COL1A2: variants seen among roughly 807,000 people sequenced by gnomAD.
COL1A2 encodes the protein collagen type I alpha 2 chain.
COL1A2 carries 49 observed loss-of-function variants against 174.3 expected under a neutral mutation model. That is an observed-to-expected ratio of 0.28 (90% CI 0.22 to 0.36). COL1A2 has a LOEUF of 0.36. Among genes scored for constraint, COL1A2 ranks in the 10% least tolerant of loss-of-function variants. The probability of loss-of-function intolerance (pLI) is 1.00; values close to 1 mark genes in which losing one functional copy is unlikely to be tolerated. For synonymous variants in COL1A2, 655 were observed against 606.6 expected (o/e 1.08, Z -1.17); for missense variants, 1,438 against 1,822.7 (o/e 0.79, Z 3.84).
chr7:94,415,910 AT>A (rs1175675474), intron 30 of COL1A2, among the ~76,000 whole-genome samples: 1 of 152,218 alleles, frequency 6.6e-6, no homozygotes, highest in African/African-American at 2.4e-5. Context: ...ACATATATAT[AT>A]ATACACAAAT....
chr7:94,427,631 C>G lies in COL1A2; in HGVS notation c.3272C>G (p.Pro1091Arg), dbSNP rs755161914. Residue 1091 changes from proline to arginine, a missense_variant, in exon 49 of 52, where the codon CCC (proline) becomes CGC (arginine). Transcript: ENST00000297268. ...ATCTCACTTTCACCTTTGCAGGGCC[C>G]CCCTGGTCCCCCTGGCCCTCCTGGA... Reference protein sequence around the residue: ...GPQGHQGPAGPPGPPGPPGPP... With the variant: ...GPQGHQGPAGRPGPPGPPGPP... 6 of 1,614,106 alleles carry G rather than the reference C, an allele frequency of 3.7e-6. No individual in the cohort carries two copies. The Admixed American group carries it at 8.3e-5, about 22-fold the overall frequency.
chr7:94,396,111 G>A (rs1402068964), intron 1 of COL1A2, among the ~76,000 whole-genome samples: 1 of 152,138 alleles, frequency 6.6e-6, no homozygotes, highest in Non-Finnish European at 1.5e-5. Flanking sequence ...TCCAGCTCTA[G>A]GTTCCATGGC....
In COL1A2 at chr7:94,401,875, A is replaced by T. The variant is rs563260288; in HGVS notation, c.279+255A>T. 6.6e-5 allele frequency among the ~76,000 whole-genome samples: 10 copies of T among 152,304 alleles called. No homozygotes were observed. In the East Asian group the frequency reaches 1.7e-3, roughly 26 times the overall value. ...TATATGATCCTCATTAAGATAGATC[A>T]TATACTTATGTCCAAGAAATAATCT... On this transcript the variant is annotated intron_variant, in intron 6 of 51. Transcript: ENST00000297268.
chr7:94,409,302 G>C lies in COL1A2; in HGVS notation c.793-20G>C, dbSNP rs770146997. ...TTCATTATTTGCTGGTTAATTCCTT[G>C]GTTTAATTTCCTCTTTTAGGGTGAA... On this transcript the variant is annotated intron_variant, in intron 16 of 51. Coordinates refer to ENST00000297268, the MANE Select transcript of COL1A2 (RefSeq NM_000089.4). 1.2e-6 allele frequency: 2 copies of C among 1,605,616 alleles called. No homozygotes were observed. Among genetic ancestry groups the C allele is most frequent in the African/African-American group, 2.7e-5 (2 of 74,840 alleles).
intron 15 of COL1A2, among the ~76,000 whole-genome samples, 168 bp from the exon 16 acceptor site, chr7:94,408,602 G>A (rs1316395533): frequency 1.3e-5 from 2 of 152,152 alleles, no homozygotes; most frequent in African/African-American, 4.8e-5. Flanking sequence ...TACCATGAAT[G>A]TCTTGCCTTT....
intron 48 of COL1A2, 69 bp from the exon 49 acceptor site, chr7:94,427,558 C>A (rs1792304743): frequency 7.1e-6 from 11 of 1,559,250 alleles, no homozygotes; most frequent in Middle Eastern, 3.9e-4. Flanking sequence ...AACTGAAAAT[C>A]TGCTGCCATG....
rs1161939484 is a variant in COL1A2, at chr7:94,406,265, G to C, written c.556G>C (p.Asp186His). 1.9e-6 allele frequency: 3 copies of C among 1,613,950 alleles called. No homozygotes were observed. Among genetic ancestry groups the C allele is most frequent in the Non-Finnish European group, 2.5e-6 (3 of 1,179,848 alleles). Reference sequence around the variant, plus strand: ...TTCCTTTCAGGGACACAATGGTCTGGATGGATTGAAGGGACAGCCCGGTGC... The same window carrying C: ...TTCCTTTCAGGGACACAATGGTCTGCATGGATTGAAGGGACAGCCCGGTGC... ...FKGIRGHNGL[D>H]GLKGQPGAPG... The change falls in exon 12 of 52, where the codon GAT (aspartate) becomes CAT (histidine). Residue 186 changes from aspartate to histidine, a missense_variant. By Grantham distance (81) the Asp-to-His change is moderately conservative. This residue lies in a region of COL1A2 where 281 missense variants were observed against 310.9 expected (regional missense o/e 0.90). Transcript: ENST00000297268.
intron 6 of COL1A2, 72 bp downstream of exon 6, chr7:94,401,692 C>A: frequency 8.7e-7 from 1 of 1,153,238 alleles, no homozygotes; most frequent in Non-Finnish European, 1.3e-6. Flanking sequence ...CATTTTACCA[C>A]GCCATTTATT....
chr7:94,422,981 C>T lies in COL1A2; in HGVS notation c.2428C>T (p.Pro810Ser), dbSNP rs779393490. ...PSGISGPPGPPGPAGKEGLRG... is the reference protein window; with the variant it reads ...PSGISGPPGPSGPAGKEGLRG... ...GGGTATTTCTGGCCCTCCTGGTCCC[C>T]CTGGTCCTGCTGGGAAAGAAGGGCT... The change falls in exon 40 of 52, where the codon CCT becomes TCT. Residue 810 changes from proline (P) to serine (S), a missense_variant. By Grantham distance (74) the Pro-to-Ser change is moderately conservative. This residue lies in a region of COL1A2 where 867 missense variants were observed against 1,213.7 expected (regional missense o/e 0.71). Transcript: ENST00000297268. 2.5e-6 allele frequency: 4 copies of T among 1,614,092 alleles called. No individual in the cohort carries two copies. In the Middle Eastern group the frequency reaches 4.9e-4, roughly 200 times the overall value.
At chr7:94,426,903 C>T (rs1410202709) in intron 46 of COL1A2, 105 bp from the exon 47 acceptor site, 9 of 961,842 alleles carry the variant, frequency 9.4e-6, no homozygotes, top group African/African-American at 3.3e-5. Flanking sequence ...TTTCTCAATC[C>T]GGAGTCCATT....
intron 5 of COL1A2, 53 bp from the exon 6 acceptor site, chr7:94,401,514 G>A (rs981682919): frequency 5.9e-6 from 5 of 854,536 alleles, no homozygotes; most frequent in Non-Finnish European, 6.2e-6. Context: ...TACATGACTA[G>A]TAACTAAAAA....
At position 94,418,534 on chromosome 7, in the gene COL1A2, T is replaced by C; in HGVS notation, c.2007T>C (p.Pro669=). The part of the protein sequence containing the change: ...EPGLRGEIGN[P]GRDGARGAPG... ...GTCTCAGAGGTGAAATTGGTAACCCTGGCAGAGATGGTGCTCGTGTGAGTA... is the reference window on the plus strand; with the variant it reads ...GTCTCAGAGGTGAAATTGGTAACCCCGGCAGAGATGGTGCTCGTGTGAGTA... Residue 669 remains proline, a synonymous_variant, in exon 33 of 52, where the codon CCT becomes CCC. Coordinates refer to ENST00000297268, the MANE Select transcript of COL1A2 (RefSeq NM_000089.4). The C allele has an allele frequency of 1.2e-6, 2 of 1,614,006 alleles. No individual in the cohort carries two copies. The highest frequency in any genetic ancestry group is 1.7e-6 in the Non-Finnish European group (2 of 1,179,938).
Position 94,419,518 on chromosome 7 carries a change from T to A in COL1A2, c.2046T>A (p.Gly682=), listed in dbSNP as rs2115927971. ...ACTAGGGTGCTCCTGGTGCTGTAGG[T>A]GCCCCTGGTCCTGCTGGAGCCACAG... is the stretch of plus-strand genomic sequence containing the variant. ...DGARGAPGAV[G]APGPAGATGD... is the part of the protein sequence containing the mutation. The change falls in exon 34 of 52, where the codon GGT becomes GGA. Residue 682 remains glycine, a synonymous_variant. Transcript: ENST00000297268. 12 of 1,614,082 alleles carry A rather than the reference T, an allele frequency of 7.4e-6. No homozygotes were observed. The highest frequency in any genetic ancestry group is 1.0e-5 in the Non-Finnish European group (12 of 1,179,998).
In COL1A2 at chr7:94,401,630, T is replaced by C. The variant is rs779552172; in HGVS notation, c.279+10T>C. On this transcript the variant is annotated intron_variant, in intron 6 of 51. Coordinates refer to ENST00000297268, the MANE Select transcript of COL1A2 (RefSeq NM_000089.4). ...TGGCCCTGGACCAATGGTATGCTTA[T>C]CTGTTTATCTTAGCCAAAAAAATTG... The C allele has an allele frequency of 2.5e-6, 4 of 1,584,628 alleles. No individual in the cohort carries two copies. In the South Asian group the frequency reaches 4.5e-5, roughly 18 times the overall value.
At position 94,423,073 on chromosome 7, in the gene COL1A2, T is replaced by A; in HGVS notation, c.2520T>A (p.Pro840=). The change falls in exon 40 of 52, where the codon CCT becomes CCA. Residue 840 remains proline (P), a synonymous_variant. Coordinates refer to ENST00000297268, the MANE Select transcript of COL1A2 (RefSeq NM_000089.4). ...RTGEVGAVGP[P]GFAGEKGPSG... ...GAGAAGTAGGTGCAGTTGGTCCCCC[T>A]GGCTTCGCTGGTGAGAAGGGTCCCT... 1 of 1,614,220 alleles carries A rather than the reference T, an allele frequency of 6.2e-7. No homozygotes were observed. Among genetic ancestry groups the A allele is most frequent in the Non-Finnish European group, 8.5e-7 (1 of 1,180,026 alleles).
intron 41 of COL1A2, chr7:94,424,670 T>C (rs1792237452): frequency 1.8e-6 from 1 of 549,128 alleles, no homozygotes; most frequent in Admixed American, 3.1e-5. Flanking sequence ...ATTTTTGTTC[T>C]TTCCACGCAC....
rs1182929298 is a variant in COL1A2 at position 94,413,763 on chromosome 7, T to C, written c.1611+20T>C. 1 of 1,613,970 alleles carries C rather than the reference T, an allele frequency of 6.2e-7. No homozygotes were observed. Among genetic ancestry groups the C allele is most frequent in the East Asian group, 2.2e-5 (1 of 44,902 alleles). On this transcript the variant is annotated intron_variant, in intron 27 of 51. Coordinates refer to ENST00000297268, the MANE Select transcript of COL1A2 (RefSeq NM_000089.4). ...CCACAGGTGAGTATTTCTCCCACTCTTGTGCTCTTCTGCACTAGAATGTAT... is the reference window on the plus strand; with the variant it reads ...CCACAGGTGAGTATTTCTCCCACTCCTGTGCTCTTCTGCACTAGAATGTAT...
rs373778124 is a variant in COL1A2 at position 94,429,476 on chromosome 7, A to AGG, written c.3954+50_3954+51dup. 3 of 1,609,434 alleles carry AGG rather than the reference A, an allele frequency of 1.9e-6. No individual in the cohort carries two copies. The Admixed American group carries it at 5.0e-5, about 27-fold the overall frequency. On this transcript the variant is annotated intron_variant, in intron 51 of 51. Transcript: ENST00000297268. ...GGAATAGCTTTGGGAAGTGGGATGG[A>AGG]GGGGGTTCTAACTTAGACTGCCCCC...
In COL1A2 at chr7:94,423,488, AC is replaced by A. The variant is rs1792211336; in HGVS notation, c.2565+371del. The A allele has an allele frequency of 4.1e-5, 10 of 244,602 alleles. No individual in the cohort carries two copies. In the Admixed American group the frequency reaches 4.9e-4, roughly 12 times the overall value. 15.2% of individuals were successfully genotyped at this position (244,602 alleles called of 1,614,324 possible). On this transcript the variant is annotated intron_variant, in intron 40 of 51. Transcript: ENST00000297268. Reference sequence around the variant, plus strand: ...ACATACACTGTCCAGTATTAGTGCTACTCTGAAAGGTGCCCCTATTAGACCT... The same window carrying A: ...ACATACACTGTCCAGTATTAGTGCTATCTGAAAGGTGCCCCTATTAGACCT...
Sources: gnomAD v4.1 joint callset for allele counts (sites outside exome capture counted in the v4.1 genomes callset) on GRCh38, gnomAD v4.1.1 for gene constraint, gnomAD v4.1.1 regional missense constraint, MANE v1.5 for transcripts, NCBI Gene and HGNC (gene_info 2026-07-23, HGNC 2026-07-21) for gene names.